UNC5D: variants seen among roughly 807,000 people sequenced by gnomAD.
UNC5D encodes the protein unc-5 netrin receptor D, also known as netrin receptor UNC5D.
UNC5D carries 39 observed loss-of-function variants against 105.4 expected under a neutral mutation model. The observed-to-expected ratio is 0.37, with a 90% CI of 0.29 to 0.48. UNC5D has a LOEUF of 0.48. Ranked by LOEUF, UNC5D falls within the 20% of genes least tolerant of loss-of-function variation. The probability of loss-of-function intolerance (pLI) is 0.98; values close to 1 mark genes in which losing one functional copy is unlikely to be tolerated. For synonymous variants in UNC5D, 452 were observed against 450.4 expected (o/e 1.00, Z -0.04); for missense variants, 991 against 1,202.4 (o/e 0.82, Z 2.60).
At chr8:35,718,585 T>C (rs981463987) in intron 8 of UNC5D, among the ~76,000 whole-genome samples, 1 of 152,198 alleles carries the variant, frequency 6.6e-6, no homozygotes, top group African/African-American at 2.4e-5. Flanking sequence ...TTGAAGAGTT[T>C]AAGGCAGTTA....
At chr8:35,684,516 C>A in intron 5 of UNC5D, 66 bp from the exon 6 acceptor site, 5 of 1,564,150 alleles carry the variant, frequency 3.2e-6, no homozygotes, top group Non-Finnish European at 4.3e-6. Flanking sequence ...CAGTGGCTTG[C>A]ACATAGTAGG....
chr8:35,740,311 GAGA>G (rs1457358944), intron 11 of UNC5D, among the ~76,000 whole-genome samples: 1 of 152,212 alleles, frequency 6.6e-6, no homozygotes, highest in Non-Finnish European at 1.5e-5. Flanking sequence ...GGGTCCTTAG[GAGA>G]AGAAGGTAGG....
At chr8:35,763,009 T>G (rs1232089301) in intron 14 of UNC5D, among the ~76,000 whole-genome samples, 3 of 152,206 alleles carry the variant, frequency 2.0e-5, no homozygotes, top group Non-Finnish European at 4.4e-5. Context: ...CCTCCCATAT[T>G]ACTTTCCACA....
At chr8:35,250,530 T>C (rs1803621388) in intron 1 of UNC5D, among the ~76,000 whole-genome samples, 1 of 152,138 alleles carries the variant, frequency 6.6e-6, no homozygotes, top group South Asian at 2.1e-4. Flanking sequence ...AGTCTCGCTC[T>C]GTTGCCTAGG....
chr8:35,593,392 C>T (rs1429312915), intron 3 of UNC5D, among the ~76,000 whole-genome samples: 1 of 152,036 alleles, frequency 6.6e-6, no homozygotes, highest in Non-Finnish European at 1.5e-5. Flanking sequence ...GACCATTTAG[C>T]AGCACTGAAC....
At chr8:35,730,911 GA>G (rs1829156979) in intron 10 of UNC5D, 100 bp from the exon 11 acceptor site, 1 of 985,470 alleles carries the variant, frequency 1.0e-6, no homozygotes, top group Non-Finnish European at 1.5e-6. Context: ...ATTGCCATGA[GA>G]AAGTAGCTTG....
intron 1 of UNC5D, among the ~76,000 whole-genome samples, chr8:35,442,249 T>C (rs1807455634): frequency 6.6e-6 from 1 of 151,908 alleles, no homozygotes; most frequent in African/African-American, 2.4e-5. Flanking sequence ...CTTGCTGCCA[T>C]TCACAAGTAT....
At chr8:35,434,586 C>G (rs1001107868) in intron 1 of UNC5D, among the ~76,000 whole-genome samples, 2 of 152,028 alleles carry the variant, frequency 1.3e-5, no homozygotes, top group Non-Finnish European at 2.9e-5. Flanking sequence ...TCCACTTTAA[C>G]TTTGTCTCCT....
In UNC5D at chr8:35,599,142, C is replaced by CA. The variant is rs34511041; in HGVS notation, c.570+3512dup. On this transcript the variant is annotated intron_variant, in intron 4 of 16. Transcript: ENST00000404895. ...TAGGTGAGTGAGCAAGACTCTGTCT[C>CA]AAAAAAAAAAAAAAAAAAAAAAAAA... Among the ~76,000 whole-genome samples the CA allele has an allele frequency of 6.2e-3, 240 of 38,574 alleles. 10 individuals are homozygous for CA. The highest frequency in any genetic ancestry group is 0.045 in the Middle Eastern group (2 of 44). The allele number at this position is 38,574 out of a possible 152,430, so 25.3% of individuals were successfully genotyped here.
chr8:35,681,264 T>A (rs190788188), intron 4 of UNC5D, among the ~76,000 whole-genome samples: 145 of 152,216 alleles, frequency 9.5e-4, no homozygotes, highest in African/African-American at 3.4e-3. Flanking sequence ...GGGAGAGGAA[T>A]TTATTTATTA....
At chr8:35,388,036 G>T (rs948033978) in intron 1 of UNC5D, among the ~76,000 whole-genome samples, 1 of 152,100 alleles carries the variant, frequency 6.6e-6, no homozygotes, top group Non-Finnish European at 1.5e-5. Flanking sequence ...TAGTACTGGG[G>T]AGGAATTTCC....
chr8:35,552,049 G>A (rs2130704029), intron 2 of UNC5D, among the ~76,000 whole-genome samples: 1 of 152,218 alleles, frequency 6.6e-6, no homozygotes, highest in Non-Finnish European at 1.5e-5. Context: ...CCAAAAAGGA[G>A]AGAAACACCT....
intron 1 of UNC5D, among the ~76,000 whole-genome samples, chr8:35,289,564 C>A (rs899562518): frequency 6.6e-6 from 1 of 152,146 alleles, no homozygotes; most frequent in Non-Finnish European, 1.5e-5. Context: ...TCCTCAAATG[C>A]ATATGGAACA....
intron 11 of UNC5D, among the ~76,000 whole-genome samples, chr8:35,740,965 G>T (rs968898584): frequency 6.6e-6 from 1 of 152,058 alleles, no homozygotes; most frequent in Admixed American, 6.6e-5. Flanking sequence ...AAGCGTGGTG[G>T]ATATAAAAAA....
chr8:35,241,477 G>A (rs1331668351), intron 1 of UNC5D, among the ~76,000 whole-genome samples: 1 of 152,158 alleles, frequency 6.6e-6, no homozygotes, highest in Non-Finnish European at 1.5e-5. Flanking sequence ...ATAGAAATAT[G>A]AGGGTTGTGT....
At chr8:35,514,591 A>G (rs188786193) in intron 1 of UNC5D, among the ~76,000 whole-genome samples, 463 of 152,342 alleles carry the variant, frequency 3.0e-3, no homozygotes, top group Non-Finnish European at 3.9e-3. Flanking sequence ...AAGAGATGCT[A>G]CTAACAAAGT....
intron 1 of UNC5D, among the ~76,000 whole-genome samples, chr8:35,382,743 G>T (rs186656176): frequency 6.6e-6 from 1 of 152,114 alleles, no homozygotes; most frequent in Admixed American, 6.5e-5. Context: ...ATTAACACTC[G>T]CCAGCTTACA....
chr8:35,303,864 C>T (rs1415817390), intron 1 of UNC5D, among the ~76,000 whole-genome samples: 1 of 152,130 alleles, frequency 6.6e-6, no homozygotes, highest in Non-Finnish European at 1.5e-5. Context: ...AGCCATTTTA[C>T]TCAGGAGGCT....
chr8:35,267,685 C>A (rs1804981006), intron 1 of UNC5D, among the ~76,000 whole-genome samples: 1 of 152,132 alleles, frequency 6.6e-6, no homozygotes, highest in South Asian at 2.1e-4. Context: ...AATCTGCCTG[C>A]CTTGGCCTCC....
Sources: gnomAD v4.1 joint callset for allele counts (sites outside exome capture counted in the v4.1 genomes callset) on GRCh38, gnomAD v4.1.1 for gene constraint, MANE v1.5 for transcripts, NCBI Gene and HGNC (gene_info 2026-07-23, HGNC 2026-07-21) for gene names.